OR4Q3: variants seen among roughly 807,000 people sequenced by gnomAD.
OR4Q3 encodes olfactory receptor 4Q3.
Under a neutral mutation model 18.8 loss-of-function variants are expected in OR4Q3, and 17 were observed. That is an observed-to-expected ratio of 0.91 (90% CI 0.62 to 1.36). The LOEUF is 1.36. OR4Q3 is among the 40% of genes most tolerant of loss of function. OR4Q3 has a pLI of 0.00. For missense variants in OR4Q3, 378 were observed against 373.4 expected, an observed-to-expected ratio of 1.01 and a Z score of -0.10; for synonymous variants, 158 against 145.8, an observed-to-expected ratio of 1.08 and a Z score of -0.60.
At chr14:19,746,447 G>T in intron 1 of OR4Q3, among the ~76,000 whole-genome samples, 2 of 152,116 alleles carry the variant, frequency 1.3e-5, no homozygotes, top group Non-Finnish European at 2.9e-5. Context: ...TTGTTGAAAA[G>T]TCCAGAAGCA....
chr14:19,743,789 T>G lies in OR4Q3; in HGVS notation c.2+118T>G, dbSNP rs1317739445. On this transcript the variant is annotated intron_variant, in intron 1 of 1. Coordinates refer to ENST00000642117, the Ensembl canonical transcript of OR4Q3. ...TTTTCTCTATATACTCTGGCATTGA[T>G]CATTTTTAAATTTAAGAGATCATTT... 3.3e-5 allele frequency: 5 copies of G among 150,992 alleles called. No homozygotes were observed. The East Asian group carries it at 9.7e-4, about 29-fold the overall frequency. The allele number at this position is 150,992 out of a possible 1,614,324, so 9.4% of individuals were successfully genotyped here.
At chr14:19,745,182 A>G in intron 1 of OR4Q3, among the ~76,000 whole-genome samples, 1 of 152,188 alleles carries the variant, frequency 6.6e-6, no homozygotes, top group African/African-American at 2.4e-5. Context: ...TATCAGAGTA[A>G]TCACCTAGGA....
chr14:19,749,782 C>T, downstream of OR4Q3, among the ~76,000 whole-genome samples: 4 of 131,644 alleles, frequency 3.0e-5, no homozygotes, highest in South Asian at 7.6e-4. Context: ...CTTTTTCTTT[C>T]TCTTTCTTTC....
chr14:19,748,487 A>C, exon 2 of OR4Q3: 1 of 773,982 alleles, frequency 1.3e-6, no homozygotes, highest in South Asian at 1.8e-5. Context: ...AGATAGCATA[A>C]AGATTATAAT....
At chr14:19,744,665 TCA>T (rs1222161183) in intron 1 of OR4Q3, among the ~76,000 whole-genome samples, 1 of 152,208 alleles carries the variant, frequency 6.6e-6, no homozygotes, top group Non-Finnish European at 1.5e-5. Flanking sequence ...ATTGACTTTT[TCA>T]CATTCTTAGG....
At chr14:19,747,580 C>G in exon 2 of OR4Q3, 1 of 1,613,836 alleles carries the variant, frequency 6.2e-7, no homozygotes, top group Non-Finnish European at 8.5e-7. Flanking sequence ...CAGTGCAAGC[C>G]CATGCTCACC....
At chr14:19,745,088 A>G in intron 1 of OR4Q3, among the ~76,000 whole-genome samples, 5 of 152,202 alleles carry the variant, frequency 3.3e-5, no homozygotes, top group Non-Finnish European at 5.9e-5. Context: ...ACCTTGATTA[A>G]AACTCAAATA....
chr14:19,749,185 G>C, exon 2 of OR4Q3: 1 of 152,252 alleles, frequency 6.6e-6, no homozygotes, highest in Non-Finnish European at 1.5e-5. Context: ...GTGATTGAAA[G>C]CACTCATTTT....
At position 19,748,193 on chromosome 14, in the gene OR4Q3, G is replaced by A; in HGVS notation, c.790G>A (p.Val264Ile). The A allele has an allele frequency of 3.2e-4, 512 of 1,613,914 alleles. No individual in the cohort carries two copies. The East Asian group carries it at 9.3e-3, about 29-fold the overall frequency. The change falls in exon 2 of 2, where the codon GTA becomes ATA. Residue 264 changes from valine (V) to isoleucine (I), a missense_variant. Val to Ile is a conservative substitution (Grantham distance 29, BLOSUM62 3). Coordinates refer to ENST00000642117, the Ensembl canonical transcript of OR4Q3. ...GGTCAGCCTGATCTTCGTGCCATGCGTATTCATCTATTTGAGGCCTTTCTG... is the reference window on the plus strand; with the variant it reads ...GGTCAGCCTGATCTTCGTGCCATGCATATTCATCTATTTGAGGCCTTTCTG...
chr14:19,747,743 C>T, exon 2 of OR4Q3: 2 of 1,613,956 alleles, frequency 1.2e-6, no homozygotes, highest in Non-Finnish European at 1.7e-6. Context: ...CTACTTCCTC[C>T]ACTTTCTAGG....
chr14:19,748,829 CTGTTA>C, exon 2 of OR4Q3: 1 of 166,100 alleles, frequency 6.0e-6, no homozygotes, highest in Admixed American at 5.8e-5. Context: ...TTTCTTTGTT[CTGTTA>C]TAACAAAGCC....
intron 1 of OR4Q3, among the ~76,000 whole-genome samples, chr14:19,745,736 C>T: frequency 6.6e-6 from 1 of 152,132 alleles, no homozygotes; most frequent in Non-Finnish European, 1.5e-5. Flanking sequence ...CTTGGTGCAT[C>T]CAAAAAAGAT....
At chr14:19,743,641 T>G (rs374568556) in exon 1 of OR4Q3, 12 of 152,348 alleles carry the variant, frequency 7.9e-5, no homozygotes, top group African/African-American at 2.7e-4. Context: ...CTTCCTTCCT[T>G]GAAACCACAT....
intron 1 of OR4Q3, among the ~76,000 whole-genome samples, chr14:19,745,361 T>C: frequency 1.3e-5 from 2 of 152,206 alleles, no homozygotes; most frequent in African/African-American, 2.4e-5. Context: ...AATTTTAATA[T>C]TGTCTGTTTT....
chr14:19,749,189 T>A, exon 2 of OR4Q3: 1 of 152,278 alleles, frequency 6.6e-6, no homozygotes, highest in Non-Finnish European at 1.5e-5. Context: ...TTGAAAGCAC[T>A]CATTTTTGAG....
chr14:19,751,415 C>A, downstream of OR4Q3, among the ~76,000 whole-genome samples: 1 of 152,126 alleles, frequency 6.6e-6, no homozygotes, highest in Non-Finnish European at 1.5e-5. Flanking sequence ...GGGAGGAGCC[C>A]TTCCTTTTTT....
At chr14:19,747,048 T>C in intron 1 of OR4Q3, among the ~76,000 whole-genome samples, 1 of 152,236 alleles carries the variant, frequency 6.6e-6, no homozygotes, top group Non-Finnish European at 1.5e-5. Flanking sequence ...ACTCCATTGA[T>C]AATGGTGGAG....
downstream of OR4Q3, among the ~76,000 whole-genome samples, chr14:19,751,850 CT>C: frequency 6.6e-6 from 1 of 151,978 alleles, no homozygotes; most frequent in Non-Finnish European, 1.5e-5. Context: ...TTTCATTGAC[CT>C]TTTGTATAGA....
chr14:19,750,356 G>A, downstream of OR4Q3, among the ~76,000 whole-genome samples: 1 of 152,164 alleles, frequency 6.6e-6, no homozygotes, highest in Non-Finnish European at 1.5e-5. Flanking sequence ...GTTAACTTAA[G>A]CATTTATATT....
Sources: allele counts gnomAD v4.1 joint callset (sites outside exome capture counted in the v4.1 genomes callset), GRCh38; gene constraint gnomAD v4.1.1; transcripts MANE v1.5; gene names NCBI Gene and HGNC (gene_info 2026-07-23, HGNC 2026-07-21).